PTPRT: variants seen among roughly 807,000 people sequenced by gnomAD.
PTPRT encodes the protein protein tyrosine phosphatase receptor type T, also known as receptor-type tyrosine-protein phosphatase T.
PTPRT carries 56 observed loss-of-function variants against 176.8 expected under a neutral mutation model. That is an observed-to-expected ratio of 0.32 (90% confidence interval 0.26 to 0.40). The LOEUF is 0.40. Ranked by LOEUF, PTPRT falls within the 10% of genes least tolerant of loss-of-function variation. The pLI, the probability that PTPRT is intolerant of heterozygous loss-of-function variation, is 1.00. For missense variants in PTPRT, 1,540 were observed against 1,908.2 expected (o/e 0.81, Z 3.60); for synonymous variants, 783 against 739.0 (o/e 1.06, Z -0.96).
At chr20:42,729,556 GACA>G (rs2076430040) in intron 6 of PTPRT, among the ~76,000 whole-genome samples, 2 of 152,182 alleles carry the variant, frequency 1.3e-5, no homozygotes, top group African/African-American at 2.4e-5. Flanking sequence ...GGACTGGGGT[GACA>G]TGACTCTCAC....
chr20:42,869,590 G>C (rs2078809442), intron 2 of PTPRT, among the ~76,000 whole-genome samples: 1 of 152,258 alleles, frequency 6.6e-6, no homozygotes. Context: ...TATACAATTT[G>C]ATTTCACAGG....
chr20:42,352,135 C>T lies in PTPRT; in HGVS notation c.1711G>A (p.Ala571Thr), dbSNP rs1033486919. The change falls in exon 10 of 31, where the codon GCA becomes ACA. Residue 571 changes from alanine to threonine, a missense_variant. Physicochemically the swap from Ala to Thr is moderately conservative, Grantham distance 58. This residue lies in a region of PTPRT where 136 missense variants were observed against 135.0 expected (regional missense o/e 1.01). Transcript: ENST00000373187. ...TYSFTIKAST[A>T]KGFGPPVTTR... ...GTGACAGGGGGCCCAAAGCCCTTTG[C>T]TGTGCTGGCCTTGATGGTGAAGGAA... 36 of 1,614,030 alleles carry T rather than the reference C, an allele frequency of 2.2e-5. No homozygotes were observed. The highest frequency in any genetic ancestry group is 1.5e-4 in the Admixed American group (9 of 60,000).
At chr20:42,591,916 C>T (rs936096303) in intron 7 of PTPRT, among the ~76,000 whole-genome samples, 3 of 150,146 alleles carry the variant, frequency 2.0e-5, no homozygotes, top group Admixed American at 6.6e-5. Flanking sequence ...GCACAAACTT[C>T]GTTCTTAGTC....
intron 12 of PTPRT, among the ~76,000 whole-genome samples, chr20:42,292,255 A>G (rs939205484): frequency 2.0e-5 from 3 of 152,002 alleles, no homozygotes; most frequent in East Asian, 1.9e-4. Flanking sequence ...TTTAGCCCCA[A>G]TGGGACTCAC....
chr20:42,190,810 C>G (rs1300942395), intron 16 of PTPRT, among the ~76,000 whole-genome samples: 1 of 152,178 alleles, frequency 6.6e-6, no homozygotes, highest in Non-Finnish European at 1.5e-5. Context: ...GGAATAATAA[C>G]ATCTACAGAA....
chr20:42,918,684 T>C (rs896729318), intron 1 of PTPRT, among the ~76,000 whole-genome samples: 3 of 152,148 alleles, frequency 2.0e-5, no homozygotes, highest in African/African-American at 7.2e-5. Flanking sequence ...ACACTGTCTC[T>C]AGTTTAGAAG....
intron 16 of PTPRT, among the ~76,000 whole-genome samples, chr20:42,165,472 G>C (rs760320816): frequency 3.0e-4 from 46 of 152,132 alleles, no homozygotes; most frequent in Non-Finnish European, 1.0e-4. Flanking sequence ...TGTGCCATGG[G>C]GTTTGGCAAT....
intron 23 of PTPRT, among the ~76,000 whole-genome samples, chr20:42,108,160 G>GTTGCCTAGTGTCCGT (rs1472200694): frequency 1.3e-5 from 2 of 152,150 alleles, no homozygotes; most frequent in African/African-American, 4.8e-5. Flanking sequence ...CGGTGACCAA[G>GTTGCCTAGTGTCCGT]TTGCCTAGTG....
intron 1 of PTPRT, among the ~76,000 whole-genome samples, chr20:43,148,043 T>C (rs2014225674): frequency 6.6e-6 from 1 of 152,156 alleles, no homozygotes; most frequent in Admixed American, 6.5e-5. Flanking sequence ...CTGTGGAAGC[T>C]GCAATAGGTG....
At chr20:42,256,513 A>T (rs894366738) in intron 13 of PTPRT, among the ~76,000 whole-genome samples, 2 of 151,696 alleles carry the variant, frequency 1.3e-5, no homozygotes, top group African/African-American at 4.8e-5. Context: ...GAAAAAAAAA[A>T]TGTATTTCAG....
At chr20:42,883,802 A>C (rs202207918) in intron 2 of PTPRT, among the ~76,000 whole-genome samples, 4,339 of 12,122 alleles carry the variant, frequency 0.36, 338 homozygotes, top group African/African-American at 0.5. Flanking sequence ...TACACACACA[A>C]CCCTTACACC....
chr20:42,463,519 G>A (rs1180696362), intron 8 of PTPRT, among the ~76,000 whole-genome samples: 1 of 152,110 alleles, frequency 6.6e-6, no homozygotes, highest in Non-Finnish European at 1.5e-5. Context: ...AAGTCAGGTG[G>A]TAATTTAAGG....
At chr20:42,600,874 G>C (rs1323803594) in intron 7 of PTPRT, among the ~76,000 whole-genome samples, 1 of 152,104 alleles carries the variant, frequency 6.6e-6, no homozygotes, top group Non-Finnish European at 1.5e-5. Context: ...CACTAAGGTT[G>C]GTTTCATGAT....
intron 7 of PTPRT, among the ~76,000 whole-genome samples, chr20:42,593,861 T>C (rs1336840627): frequency 6.6e-6 from 1 of 152,184 alleles, no homozygotes; most frequent in Non-Finnish European, 1.5e-5. Context: ...CTTTGTTAAG[T>C]AGGAGAAAAT....
At chr20:42,761,579 A>G (rs2076916891) in intron 5 of PTPRT, among the ~76,000 whole-genome samples, 1 of 152,254 alleles carries the variant, frequency 6.6e-6, no homozygotes, top group Admixed American at 6.5e-5. Flanking sequence ...AATGTCTGAT[A>G]AAGTGTGAGA....
At chr20:42,496,186 G>A (rs1266659226) in intron 7 of PTPRT, among the ~76,000 whole-genome samples, 1 of 152,088 alleles carries the variant, frequency 6.6e-6, no homozygotes, top group Non-Finnish European at 1.5e-5. Context: ...GAAAGAAGAG[G>A]GGTCGGCTTT....
intron 7 of PTPRT, among the ~76,000 whole-genome samples, chr20:42,668,858 A>AT (rs755121515): frequency 0.23 from 18,643 of 81,334 alleles, 2,535 homozygotes; most frequent in Non-Finnish European, 0.3. Flanking sequence ...CGCCCAGCTA[A>AT]TTTTTTTTTT....
intron 2 of PTPRT, among the ~76,000 whole-genome samples, chr20:42,867,890 C>A (rs1421846914): frequency 6.6e-6 from 1 of 151,962 alleles, no homozygotes; most frequent in African/African-American, 2.4e-5. Context: ...CCATGTTGAC[C>A]AGGCTGGTCT....
intron 9 of PTPRT, among the ~76,000 whole-genome samples, chr20:42,406,613 C>A (rs1165185125): frequency 6.6e-6 from 1 of 151,844 alleles, no homozygotes; most frequent in Non-Finnish European, 1.5e-5. Context: ...TATCTCAGTC[C>A]ATATAAAAAT....
Sources: allele counts gnomAD v4.1 joint callset (sites outside exome capture counted in the v4.1 genomes callset), GRCh38; gene constraint gnomAD v4.1.1; regional missense constraint gnomAD v4.1.1; transcripts MANE v1.5; gene names NCBI Gene and HGNC (gene_info 2026-07-23, HGNC 2026-07-21).